The following PRKCI variants were observed in gnomAD, a reference collection of about 807,000 sequenced individuals.
PRKCI encodes protein kinase C iota type.
PRKCI carries 43 observed loss-of-function variants against 84.0 expected under a neutral mutation model. That is an observed-to-expected ratio of 0.51 (90% CI 0.40 to 0.66). The LOEUF (loss-of-function observed/expected upper bound fraction) is 0.66. Ranked by LOEUF, PRKCI falls within the 30% of genes least tolerant of loss-of-function variation. The pLI is 0.00. For synonymous variants in PRKCI, 216 were observed against 234.4 expected (o/e 0.92, Z 0.72); for missense variants, 459 against 745.6 (o/e 0.62, Z 4.48).
chr3:170,283,567 G>A (rs1734305814), intron 11 of PRKCI, among the ~76,000 whole-genome samples: 1 of 152,054 alleles, frequency 6.6e-6, no homozygotes, highest in East Asian at 1.9e-4. Context: ...TTATCAAATG[G>A]TCACCCTTCA....
chr3:170,270,596 T>TTA, intron 6 of PRKCI, 35 bp downstream of exon 6: 2 of 1,507,560 alleles, frequency 1.3e-6, no homozygotes, highest in South Asian at 1.2e-5. Context: ...TTTTTTTTTT[T>TTA]AAGAGCGTGC....
chr3:170,286,690 T>G (rs1734402269), intron 12 of PRKCI, among the ~76,000 whole-genome samples: 1 of 152,040 alleles, frequency 6.6e-6, no homozygotes, highest in Non-Finnish European at 1.5e-5. Context: ...TGCCCTTGGA[T>G]ATTCTGAGTA....
At chr3:170,241,339 CT>C (rs1040836162) in intron 2 of PRKCI, among the ~76,000 whole-genome samples, 1 of 152,184 alleles carries the variant, frequency 6.6e-6, no homozygotes, top group African/African-American at 2.4e-5. Context: ...CCTCCTTTCT[CT>C]ATCTAACCCA....
At chr3:170,284,713 T>A (rs1734329801) in intron 12 of PRKCI, 117 bp downstream of exon 12, 1 of 1,234,268 alleles carries the variant, frequency 8.1e-7, no homozygotes, top group Admixed American at 3.0e-5. Flanking sequence ...TACTTAAGCT[T>A]TGTGGAATTC....
chr3:170,302,914 C>A, intron 17 of PRKCI, 126 bp from the exon 18 acceptor site: 1 of 603,670 alleles, frequency 1.7e-6, no homozygotes, highest in Non-Finnish European at 2.6e-6. Context: ...GGGGATTAAT[C>A]TAAAAATTTA....
At chr3:170,264,531 A>G (rs1733810906) in intron 4 of PRKCI, among the ~76,000 whole-genome samples, 1 of 152,192 alleles carries the variant, frequency 6.6e-6, no homozygotes, top group Admixed American at 6.5e-5. Flanking sequence ...CACCTGCCTC[A>G]GCCTCCCAGA....
At chr3:170,279,948 A>G (rs1253615171) in intron 8 of PRKCI, among the ~76,000 whole-genome samples, 1 of 151,964 alleles carries the variant, frequency 6.6e-6, no homozygotes, top group East Asian at 1.9e-4. Context: ...TCTGTACCCA[A>G]AAGTTATCGT....
intron 2 of PRKCI, among the ~76,000 whole-genome samples, chr3:170,236,864 CA>C (rs11392753): frequency 0.085 from 10,651 of 125,518 alleles, 490 homozygotes; most frequent in East Asian, 0.18. Flanking sequence ...GACCCTGTCT[CA>C]AAAAAAAAAA....
intron 8 of PRKCI, among the ~76,000 whole-genome samples, chr3:170,277,558 G>A (rs1053733872): frequency 2.0e-5 from 3 of 152,094 alleles, no homozygotes; most frequent in African/African-American, 7.2e-5. Context: ...GCCAGGCTCG[G>A]TGGCAGGCGC....
intron 4 of PRKCI, among the ~76,000 whole-genome samples, chr3:170,266,675 C>T (rs1324994759): frequency 6.6e-6 from 1 of 152,128 alleles, no homozygotes; most frequent in Non-Finnish European, 1.5e-5. Flanking sequence ...TGATTGCATC[C>T]TGGATAGAAA....
chr3:170,277,795 C>G (rs565740911), intron 8 of PRKCI, among the ~76,000 whole-genome samples: 28 of 151,866 alleles, frequency 1.8e-4, no homozygotes, highest in African/African-American at 6.0e-4. Flanking sequence ...TCCATTCCTG[C>G]CTTTGGGTGT....
In PRKCI at chr3:170,304,471, A is replaced by G. The variant is rs531388055; in HGVS notation, c.*1344A>G. On this transcript the variant is annotated 3_prime_UTR_variant, in exon 18 of 18. Transcript: ENST00000295797. The stretch of plus-strand genomic sequence containing the variant: ...TAAGTAGGGTATCTTAATTATGCTC[A>G]TTTCTTCCCCTAAACCACATTATCT... 48 of 152,286 alleles carry G rather than the reference A, an allele frequency of 3.2e-4. No homozygotes were observed. The highest frequency in any genetic ancestry group is 1.1e-3 in the African/African-American group (47 of 41,548). The allele number at this position is 152,286 out of a possible 1,614,324, so 9.4% of individuals were successfully genotyped here.
chr3:170,229,101 G>A (rs1732716668), intron 1 of PRKCI, among the ~76,000 whole-genome samples: 1 of 152,030 alleles, frequency 6.6e-6, no homozygotes, highest in Non-Finnish European at 1.5e-5. Context: ...GATAGCCATT[G>A]TTAACAGTTA....
chr3:170,242,806 G>A (rs1007799127), intron 2 of PRKCI, among the ~76,000 whole-genome samples: 4 of 151,868 alleles, frequency 2.6e-5, no homozygotes, highest in Non-Finnish European at 5.9e-5. Context: ...GAGTAGCTGG[G>A]ATTACAGACA....
chr3:170,259,467 A>G (rs1733669552), intron 2 of PRKCI, among the ~76,000 whole-genome samples: 1 of 152,140 alleles, frequency 6.6e-6, no homozygotes, highest in African/African-American at 2.4e-5. Flanking sequence ...AATGGAAGTT[A>G]TATGTTACCT....
chr3:170,281,290 T>C (rs577065322), intron 10 of PRKCI, 27 bp downstream of exon 10: 1 of 1,582,428 alleles, frequency 6.3e-7, no homozygotes, highest in East Asian at 2.2e-5. Context: ...GTAGAATGAT[T>C]ACTGGGCTTC....
Position 170,304,549 on chromosome 3 carries a change from T to A in PRKCI, c.*1422T>A, listed in dbSNP as rs2108870639. On this transcript the variant is annotated 3_prime_UTR_variant, in exon 18 of 18. Transcript: ENST00000295797. ...GAAAAATAAAGTAGGCATGAATAAATGTTCAGGACACACACATACACTCAC... is the reference window on the plus strand; with the variant it reads ...GAAAAATAAAGTAGGCATGAATAAAAGTTCAGGACACACACATACACTCAC... 6.6e-6 allele frequency: 1 copy of A among 152,276 alleles called. No homozygotes were observed. The highest frequency in any genetic ancestry group is 1.9e-4 in the East Asian group (1 of 5,192). The allele number at this position is 152,276 out of a possible 1,614,324, so 9.4% of individuals were successfully genotyped here. A position where few individuals can be genotyped will look rare whatever the true frequency, so the allele number is the denominator to read the frequency against.
chr3:170,299,319 C>A (rs557062526), intron 17 of PRKCI, among the ~76,000 whole-genome samples: 2 of 152,304 alleles, frequency 1.3e-5, no homozygotes, highest in East Asian at 3.9e-4. Flanking sequence ...CTCTGCCTCC[C>A]AGGTTCAAAT....
intron 8 of PRKCI, among the ~76,000 whole-genome samples, chr3:170,279,836 A>G (rs1577366675): frequency 6.6e-6 from 1 of 152,224 alleles, no homozygotes; most frequent in Non-Finnish European, 1.5e-5. Flanking sequence ...AACTTTGTCA[A>G]TCTTATCCTA....
Sources: gnomAD v4.1 joint callset for allele counts (sites outside exome capture counted in the v4.1 genomes callset) on GRCh38, gnomAD v4.1.1 for gene constraint, MANE v1.5 for transcripts, NCBI Gene and HGNC (gene_info 2026-07-23, HGNC 2026-07-21) for gene names.